The following LGSN variants were observed in gnomAD, a reference collection of about 807,000 sequenced individuals.
LGSN encodes lengsin, lens protein with glutamine synthetase domain.
In LGSN, 21 loss-of-function variants were observed where a neutral mutation model predicts 19.5. The ratio of observed to expected loss-of-function variants is 1.07; its 90% CI spans 0.76 to 1.55. The LOEUF (loss-of-function observed/expected upper bound fraction) is 1.55. Ranked by LOEUF, LGSN falls within the 40% of genes most tolerant of loss-of-function variation. LGSN has a pLI of 0.00. For synonymous variants in LGSN, 257 were observed against 215.6 expected (o/e 1.19, Z -1.68); for missense variants, 673 against 608.5 (o/e 1.11, Z -1.12).
chr6:63,342,834 TTG>T, the LGSN span, among the ~76,000 whole-genome samples: 1 of 152,248 alleles, frequency 6.6e-6, no homozygotes, highest in Non-Finnish European at 1.5e-5. Context: ...GTCAGCTTGA[TTG>T]TGTCATTTAG....
At chr6:63,493,363 G>A in the LGSN span, among the ~76,000 whole-genome samples, 1 of 152,204 alleles carries the variant, frequency 6.6e-6, no homozygotes, top group Non-Finnish European at 1.5e-5. Context: ...ATCTGACTCA[G>A]CTTATAGGTG....
the LGSN span, among the ~76,000 whole-genome samples, chr6:63,448,172 A>G: frequency 0.6 from 91,090 of 152,010 alleles, 27,601 homozygotes; most frequent in African/African-American, 0.65. Flanking sequence ...AAAAGACACC[A>G]TGCTAATATA....
chr6:63,336,561 GTATATATATATATA>G, the LGSN span, among the ~76,000 whole-genome samples: 1 of 127,578 alleles, frequency 7.8e-6, no homozygotes, highest in Admixed American at 8.4e-5. Flanking sequence ...GTGTGTGTGT[GTATATATATATATA>G]TGTATAAAAT....
rs552145120 is a variant in LGSN, at chr6:63,288,891, C to T, written c.164-3138G>A. On this transcript the variant is annotated intron_variant, in intron 2 of 3. Coordinates refer to ENST00000370657, the MANE Select transcript of LGSN (RefSeq NM_016571.3). ...TAACCTTAATTACCTCTTTAAAGAA[C>T]GTATCTCCAAATTCAGCCACACTAT... Among the ~76,000 whole-genome samples, 7 of 152,332 alleles carry T rather than the reference C, an allele frequency of 4.6e-5. No individual in the cohort carries two copies. The East Asian group carries it at 5.8e-4, about 13-fold the overall frequency.
At chr6:63,336,551 G>A in the LGSN span, among the ~76,000 whole-genome samples, 197 of 139,900 alleles carry the variant, frequency 1.4e-3, 3 homozygotes, top group African/African-American at 5.3e-3. Flanking sequence ...GTGTGTGTGT[G>A]TGTGTGTGTG....
the LGSN span, among the ~76,000 whole-genome samples, chr6:63,408,052 A>T: frequency 6.6e-6 from 1 of 152,238 alleles, no homozygotes; most frequent in Non-Finnish European, 1.5e-5. Flanking sequence ...ATGGAAGAAC[A>T]TTCCATGCTC....
the LGSN span, among the ~76,000 whole-genome samples, chr6:63,477,687 C>CTTTTTTTTTTTTTTTTTTTTTTTT: frequency 3.9e-4 from 24 of 61,050 alleles, 1 homozygote; most frequent in Non-Finnish European, 5.3e-4. Flanking sequence ...TTCTTTTTTT[C>CTTTTTTTTTTTTTTTTTTTTTTTT]TTTTTTTTTT....
At chr6:63,533,925 C>T in the LGSN span, among the ~76,000 whole-genome samples, 8 of 150,312 alleles carry the variant, frequency 5.3e-5, no homozygotes, top group Non-Finnish European at 8.9e-5. Flanking sequence ...CTCATTACAA[C>T]CTCTGCCTCC....
At position 63,280,295 on chromosome 6, in the gene LGSN, A is replaced by C. The variant is rs144270118; in HGVS notation, c.1256T>G (p.Val419Gly). 3.2e-5 allele frequency: 51 copies of C among 1,614,250 alleles called. No individual in the cohort carries two copies. The highest frequency in any genetic ancestry group is 4.2e-5 in the Non-Finnish European group (49 of 1,180,050). The stretch of plus-strand genomic sequence containing the variant: ...GCCGGCAGCAACAGTTGCAGCCAGC[A>C]CCAAGTAAGGGTTTGCTGTTGCTGA... ...LGSATANPYL[V>G]LAATVAAGLD... Residue 419 changes from valine (V) to glycine (G), a missense_variant, in exon 4 of 4, where the codon GTG (valine) becomes GGG (glycine). By Grantham distance (109) the Val-to-Gly change is moderately radical. Coordinates refer to ENST00000370657, the MANE Select transcript of LGSN (RefSeq NM_016571.3).
chr6:63,500,851 T>C, the LGSN span, among the ~76,000 whole-genome samples: 2 of 152,116 alleles, frequency 1.3e-5, no homozygotes, highest in African/African-American at 2.4e-5. Flanking sequence ...CCTTAGCCTA[T>C]TGAGTAACTG....
At chr6:63,444,121 C>T in the LGSN span, among the ~76,000 whole-genome samples, 9 of 151,996 alleles carry the variant, frequency 5.9e-5, no homozygotes, top group East Asian at 1.5e-3. Context: ...GATGATGATG[C>T]CTCTCGAGTC....
the LGSN span, among the ~76,000 whole-genome samples, chr6:63,544,999 G>A: frequency 3.9e-5 from 6 of 151,956 alleles, no homozygotes; most frequent in Admixed American, 2.0e-4. Flanking sequence ...CTGATGATTC[G>A]ATCCCAAATT....
chr6:63,572,807 G>C, the LGSN span: 1 of 396,948 alleles, frequency 2.5e-6, no homozygotes, highest in African/African-American at 2.1e-5. Flanking sequence ...GGAGCCCGGC[G>C]TCTCCTCCAG....
chr6:63,338,687 A>G, the LGSN span, among the ~76,000 whole-genome samples: 19 of 151,980 alleles, frequency 1.3e-4, no homozygotes, highest in East Asian at 1.9e-3. Flanking sequence ...ATTTTGTTTC[A>G]TTCTGTTCTG....
the LGSN span, among the ~76,000 whole-genome samples, chr6:63,550,983 T>C: frequency 3.9e-5 from 6 of 152,142 alleles, no homozygotes; most frequent in Admixed American, 6.6e-5. Context: ...TGTATATACA[T>C]GACCATAATT....
the LGSN span, chr6:63,480,240 C>G: frequency 4.6e-6 from 1 of 219,456 alleles, no homozygotes; most frequent in Admixed American, 4.3e-5. Context: ...GCAGACGTGG[C>G]AGTAATTGAA....
At chr6:63,509,096 G>A in the LGSN span, among the ~76,000 whole-genome samples, 8 of 147,022 alleles carry the variant, frequency 5.4e-5, no homozygotes, top group East Asian at 2.0e-4. Context: ...AGTCAGTCTC[G>A]CTCTGTTGCC....
the LGSN span, chr6:63,480,705 G>A: frequency 6.6e-6 from 1 of 151,284 alleles, no homozygotes; most frequent in Admixed American, 6.6e-5. Flanking sequence ...ATGCAAATAA[G>A]TACAACCTCT....
chr6:63,412,717 A>AGGAAGGAAGGAAGGAC, the LGSN span, among the ~76,000 whole-genome samples: 67 of 86,680 alleles, frequency 7.7e-4, no homozygotes, highest in African/African-American at 3.8e-3. Flanking sequence ...GAGGGAAGGA[A>AGGAAGGAAGGAAGGAC]GGAAAGAAAG....
Sources: allele counts gnomAD v4.1 joint callset (sites outside exome capture counted in the v4.1 genomes callset), GRCh38; gene constraint gnomAD v4.1.1; transcripts MANE v1.5; gene names NCBI Gene and HGNC (gene_info 2026-07-23, HGNC 2026-07-21).